The following RSPO2 variants were observed in gnomAD, a reference collection of about 807,000 sequenced individuals.
RSPO2 encodes R-spondin-2.
In RSPO2, 14 loss-of-function variants were observed where a neutral mutation model predicts 30.9. That is an observed-to-expected ratio of 0.45 (90% CI 0.30 to 0.71). The LOEUF is 0.71. Among genes scored for constraint, RSPO2 ranks in the 30% least tolerant of loss-of-function variants. The pLI, the probability that RSPO2 is intolerant of heterozygous loss-of-function variation, is 0.08. For missense variants in RSPO2, 264 were observed against 301.9 expected, an observed-to-expected ratio of 0.87 and a Z score of 0.93; for synonymous variants, 107 against 96.4, an observed-to-expected ratio of 1.11 and a Z score of -0.64.
rs61697128 is a variant in RSPO2 at position 107,963,522 on chromosome 8, C to CAAAAAAAAAAAAAAA, written c.284-2720_284-2706dup. On this transcript the variant is annotated intron_variant, in intron 3 of 5. Coordinates refer to ENST00000276659, the MANE Select transcript of RSPO2 (RefSeq NM_178565.5). Reference sequence around the variant, plus strand: ...TTAGGCAATGAAGTGAGACCTGTCTCAAAAAAAAAAAAAAAAAAAAAAAAA... The same window carrying CAAAAAAAAAAAAAAA: ...TTAGGCAATGAAGTGAGACCTGTCTCAAAAAAAAAAAAAAAAAAAAAAAAAAAAAAAAAAAAAAAA... Among the ~76,000 whole-genome samples, 4 of 32,020 alleles carry CAAAAAAAAAAAAAAA rather than the reference C, an allele frequency of 1.2e-4. 2 individuals carry two copies. Among genetic ancestry groups the CAAAAAAAAAAAAAAA allele is most frequent in the African/African-American group, 3.0e-4 (2 of 6,558 alleles). 21.0% of individuals were successfully genotyped at this position (32,020 alleles called of 152,430 possible).
chr8:108,022,761 A>C (rs1439429315), intron 2 of RSPO2, among the ~76,000 whole-genome samples: 1 of 152,060 alleles, frequency 6.6e-6, no homozygotes, highest in Admixed American at 6.5e-5. Context: ...CGCCATCTCT[A>C]CTAAAAATAC....
intron 2 of RSPO2, among the ~76,000 whole-genome samples, chr8:108,003,597 A>C (rs1815355283): frequency 6.6e-6 from 1 of 151,880 alleles, no homozygotes; most frequent in African/African-American, 2.4e-5. Context: ...TTGCTTAACT[A>C]TCCTTACTCT....
At chr8:108,067,729 T>C (rs984932624) in intron 2 of RSPO2, among the ~76,000 whole-genome samples, 3 of 152,216 alleles carry the variant, frequency 2.0e-5, no homozygotes, top group Non-Finnish European at 2.9e-5. Flanking sequence ...GTAGGCAATA[T>C]TGAGATTTCA....
intron 2 of RSPO2, among the ~76,000 whole-genome samples, chr8:108,040,034 A>G (rs1456037440): frequency 6.6e-6 from 1 of 152,170 alleles, no homozygotes; most frequent in African/African-American, 2.4e-5. Context: ...ATTGTAAGAA[A>G]TAAGTTTCTG....
chr8:107,923,082 T>G (rs955821438), intron 5 of RSPO2, among the ~76,000 whole-genome samples: 2 of 152,116 alleles, frequency 1.3e-5, no homozygotes, highest in Non-Finnish European at 2.9e-5. Flanking sequence ...ACAAATGGGA[T>G]CTAATGAAAC....
chr8:107,908,590 G>A (rs1195459984), intron 5 of RSPO2, among the ~76,000 whole-genome samples: 1 of 152,014 alleles, frequency 6.6e-6, no homozygotes. Flanking sequence ...CAATGTACAG[G>A]GCAACTTTGG....
chr8:108,064,498 G>T (rs1202576426), intron 2 of RSPO2, among the ~76,000 whole-genome samples: 2 of 152,158 alleles, frequency 1.3e-5, no homozygotes, highest in Non-Finnish European at 2.9e-5. Context: ...ATTTAGAATG[G>T]CAATCATTAA....
chr8:108,003,630 A>T (rs1421226246), intron 2 of RSPO2, among the ~76,000 whole-genome samples: 1 of 152,096 alleles, frequency 6.6e-6, no homozygotes, highest in Non-Finnish European at 1.5e-5. Context: ...TCTATTATGA[A>T]TAAGAAGAAA....
At chr8:107,976,953 G>A (rs1469607760) in intron 3 of RSPO2, among the ~76,000 whole-genome samples, 1 of 152,152 alleles carries the variant, frequency 6.6e-6, no homozygotes, top group East Asian at 1.9e-4. Flanking sequence ...GCATGTGCCA[G>A]AACACATAAA....
At chr8:107,981,705 A>G (rs926289829) in intron 3 of RSPO2, among the ~76,000 whole-genome samples, 1 of 152,132 alleles carries the variant, frequency 6.6e-6, no homozygotes, top group African/African-American at 2.4e-5. Flanking sequence ...GTGTCATTTC[A>G]TTTGAAAAGC....
chr8:107,940,875 TTTTTC>T (rs1234428169), intron 5 of RSPO2, among the ~76,000 whole-genome samples: 2 of 152,166 alleles, frequency 1.3e-5, no homozygotes, highest in Non-Finnish European at 2.9e-5. Context: ...TGATACAGTT[TTTTTC>T]TTTTGTTTTA....
At chr8:108,079,611 G>A (rs933284105) in intron 2 of RSPO2, among the ~76,000 whole-genome samples, 3 of 151,770 alleles carry the variant, frequency 2.0e-5, no homozygotes, top group Non-Finnish European at 4.4e-5. Context: ...TGGAGCATGT[G>A]AGATCATAGA....
At chr8:107,934,484 T>C (rs549375477) in intron 5 of RSPO2, among the ~76,000 whole-genome samples, 2 of 152,098 alleles carry the variant, frequency 1.3e-5, no homozygotes, top group African/African-American at 2.4e-5. Flanking sequence ...GCCGTTCTCC[T>C]GCCTCAGCCT....
At chr8:108,078,255 C>A (rs1813073749) in intron 2 of RSPO2, among the ~76,000 whole-genome samples, 1 of 152,194 alleles carries the variant, frequency 6.6e-6, no homozygotes, top group Non-Finnish European at 1.5e-5. Context: ...AACTTTCTGA[C>A]CTCTCTGTAC....
intron 3 of RSPO2, among the ~76,000 whole-genome samples, chr8:107,976,555 A>C (rs1352751270): frequency 6.6e-6 from 1 of 152,224 alleles, no homozygotes; most frequent in Non-Finnish European, 1.5e-5. Flanking sequence ...GTCAAAAGGC[A>C]GTAACTTCTG....
At chr8:107,962,127 T>C (rs1018883528) in intron 3 of RSPO2, among the ~76,000 whole-genome samples, 1 of 152,166 alleles carries the variant, frequency 6.6e-6, no homozygotes, top group South Asian at 2.1e-4. Context: ...GTATTCATTT[T>C]ACAAGGCTCC....
intron 2 of RSPO2, among the ~76,000 whole-genome samples, chr8:108,003,187 G>C (rs1449126497): frequency 6.8e-6 from 1 of 147,366 alleles, no homozygotes; most frequent in Non-Finnish European, 1.5e-5. Flanking sequence ...AAGTAGCTGG[G>C]ATTACAGGCA....
At chr8:107,986,336 G>A (rs1286754770) in intron 3 of RSPO2, among the ~76,000 whole-genome samples, 1 of 152,134 alleles carries the variant, frequency 6.6e-6, no homozygotes, top group Non-Finnish European at 1.5e-5. Flanking sequence ...ACCAGGTAAT[G>A]ATTTTCTCTA....
At chr8:108,015,900 G>A (rs987492414) in intron 2 of RSPO2, among the ~76,000 whole-genome samples, 8 of 152,150 alleles carry the variant, frequency 5.3e-5, no homozygotes, top group South Asian at 2.1e-4. Context: ...AAAATAAGAC[G>A]CCAACTATCG....
Sources: allele counts gnomAD v4.1 joint callset (sites outside exome capture counted in the v4.1 genomes callset), GRCh38; gene constraint gnomAD v4.1.1; transcripts MANE v1.5; gene names NCBI Gene and HGNC (gene_info 2026-07-23, HGNC 2026-07-21).